The following PDZD2 variants were observed in gnomAD, a reference collection of about 807,000 sequenced individuals.
PDZD2 encodes the protein PDZ domain containing 2, also known as PDZ domain-containing protein 2.
In PDZD2, 90 loss-of-function variants were observed where a neutral mutation model predicts 220.7. That is an observed-to-expected ratio of 0.41 (90% CI 0.34 to 0.49). The LOEUF is 0.49. PDZD2 is among the 20% of genes least tolerant of loss of function. PDZD2 has a pLI of 0.28. For synonymous variants in PDZD2, 1,375 were observed against 1,450.5 expected, an observed-to-expected ratio of 0.95 and a Z score of 1.18; for missense variants, 3,174 against 3,608.5, an observed-to-expected ratio of 0.88 and a Z score of 3.08.
chr5:32,101,775 G>A (rs1035581471), intron 24 of PDZD2, among the ~76,000 whole-genome samples: 2 of 152,128 alleles, frequency 1.3e-5, no homozygotes, highest in African/African-American at 4.8e-5. Flanking sequence ...TGAAATGCTT[G>A]GTAAATATCC....
intron 2 of PDZD2, among the ~76,000 whole-genome samples, chr5:31,862,101 G>GTTGTTTT (rs768772887): frequency 3.3e-4 from 26 of 78,494 alleles, no homozygotes; most frequent in African/African-American, 4.3e-4. Context: ...TTTTTTTTGG[G>GTTGTTTT]TTTTTTTTTT....
intron 4 of PDZD2, among the ~76,000 whole-genome samples, chr5:31,996,530 A>T (rs1751652346): frequency 6.6e-6 from 1 of 152,120 alleles, no homozygotes; most frequent in African/African-American, 2.4e-5. Context: ...AACAGGTGAA[A>T]CCCCATCTCC....
chr5:31,802,918 T>TG (rs1195545725), intron 2 of PDZD2, among the ~76,000 whole-genome samples: 1 of 41,374 alleles, frequency 2.4e-5, no homozygotes, highest in Admixed American at 3.2e-4. Context: ...AGACTCTGTC[T>TG]CAAAAAAAAA....
At chr5:32,067,853 C>T (rs1740351606) in intron 14 of PDZD2, among the ~76,000 whole-genome samples, 1 of 152,022 alleles carries the variant, frequency 6.6e-6, no homozygotes, top group South Asian at 2.1e-4. Flanking sequence ...GAATAGAAAA[C>T]TTATAGAAGC....
chr5:32,051,882 GTGAGT>G (rs1297141130), intron 8 of PDZD2, among the ~76,000 whole-genome samples: 1 of 152,220 alleles, frequency 6.6e-6, no homozygotes, highest in Non-Finnish European at 1.5e-5. Context: ...TTTTGATCGA[GTGAGT>G]TAGGCTTAAA....
intron 2 of PDZD2, among the ~76,000 whole-genome samples, chr5:31,976,714 C>CTTTTTTT (rs869280921): frequency 3.9e-4 from 39 of 99,718 alleles, no homozygotes; most frequent in South Asian, 6.8e-4. Flanking sequence ...TTTCTTCTTT[C>CTTTTTTT]TTTTTTTTTT....
At chr5:31,887,789 C>A (rs142600678) in intron 2 of PDZD2, among the ~76,000 whole-genome samples, 117 of 150,738 alleles carry the variant, frequency 7.8e-4, no homozygotes, top group African/African-American at 2.7e-3. Context: ...AACTGTCCTA[C>A]GCTTTGCTTT....
intron 2 of PDZD2, among the ~76,000 whole-genome samples, chr5:31,899,481 T>C (rs1192849425): frequency 2.0e-5 from 3 of 152,188 alleles, no homozygotes; most frequent in Non-Finnish European, 2.9e-5. Flanking sequence ...AGCATTGTCC[T>C]GGAAGGTGAG....
intron 2 of PDZD2, among the ~76,000 whole-genome samples, chr5:31,808,546 T>G (rs74720151): frequency 0.08 from 12,218 of 152,254 alleles, 657 homozygotes; most frequent in Middle Eastern, 0.13. Flanking sequence ...AAGTCCTGTT[T>G]TCTCACTCTA....
intron 2 of PDZD2, among the ~76,000 whole-genome samples, chr5:31,857,131 G>C (rs140856607): frequency 6.6e-6 from 1 of 151,946 alleles, no homozygotes; most frequent in East Asian, 1.9e-4. Context: ...GATCATAGGC[G>C]TGAGTCACCA....
At chr5:31,752,073 G>GTTTTTTTTTTTTTTTTT (rs3032803) in intron 1 of PDZD2, among the ~76,000 whole-genome samples, 2 of 95,062 alleles carry the variant, frequency 2.1e-5, no homozygotes, top group African/African-American at 4.2e-5. Flanking sequence ...TTTTGGGTTT[G>GTTTTTTTTTTTTTTTTT]TTTTTTTTTT....
intron 2 of PDZD2, among the ~76,000 whole-genome samples, chr5:31,878,555 C>CTTTTGTTTTTTTTTTTT (rs1739532376): frequency 4.1e-5 from 2 of 48,198 alleles, no homozygotes; most frequent in Non-Finnish European, 7.4e-5. Context: ...ATGACCTCGG[C>CTTTTGTTTTTTTTTTTT]TTTTTTTTTT....
rs397884700 is a variant in PDZD2 at position 31,881,374 on chromosome 5, ATTT to A, written c.476+81662_476+81664del. 7.9e-3 allele frequency among the ~76,000 whole-genome samples: 791 copies of A among 100,208 alleles called. 2 individuals carry two copies. Among genetic ancestry groups the A allele is most frequent in the African/African-American group, 0.031 (742 of 23,880 alleles). 65.7% of individuals were successfully genotyped at this position (100,208 alleles called of 152,430 possible). On this transcript the variant is annotated intron_variant, in intron 2 of 24. Coordinates refer to ENST00000438447, the MANE Select transcript of PDZD2 (RefSeq NM_178140.4). ...TGTGTGTGTGTGTGTGTGTGTATAT[ATTT>A]TTTTTTTTTTTGAGATGGAGTTTTG...
At chr5:32,055,620 G>A (rs1278093399) in intron 10 of PDZD2, among the ~76,000 whole-genome samples, 1 of 152,090 alleles carries the variant, frequency 6.6e-6, no homozygotes, top group Non-Finnish European at 1.5e-5. Context: ...AAAATGCTGT[G>A]ACTGTTCAGT....
chr5:31,677,228 C>A (rs1032484758), intron 1 of PDZD2, among the ~76,000 whole-genome samples: 1 of 152,198 alleles, frequency 6.6e-6, no homozygotes, highest in South Asian at 2.1e-4. Context: ...GTCCTGCCCT[C>A]CCTAGCCTTG....
chr5:31,878,579 T>TTTTTTTTTTTTTC (rs1283121637), intron 2 of PDZD2, among the ~76,000 whole-genome samples: 1 of 132,812 alleles, frequency 7.5e-6, no homozygotes, highest in Non-Finnish European at 1.6e-5. Context: ...TTTTTTTTTT[T>TTTTTTTTTTTTTC]GAGACGGAGT....
At position 32,083,463 on chromosome 5, in the gene PDZD2, C is replaced by T. The variant is rs541359909; in HGVS notation, c.3683-3668C>T. 6.6e-6 allele frequency: 1 copy of T among 152,282 alleles called. No homozygotes were observed. The highest frequency in any genetic ancestry group is 6.5e-5 in the Admixed American group (1 of 15,302). The allele number at this position is 152,282 out of a possible 1,614,324, so 9.4% of individuals were successfully genotyped here. A position where few individuals can be genotyped will look rare whatever the true frequency, so the allele number is the denominator to read the frequency against. The stretch of plus-strand genomic sequence containing the variant: ...GGAGAGGCTGCTGGGCCTTCCACCC[C>T]ACGGATGTGCTGTAACGAGTCAACC... On this transcript the variant is annotated intron_variant, in intron 19 of 24. Coordinates refer to ENST00000438447, the MANE Select transcript of PDZD2 (RefSeq NM_178140.4). The surrounding 1 kb of genome is among the most constrained non-coding windows in gnomAD (Gnocchi z 4.1).
chr5:31,725,582 T>G, intron 1 of PDZD2: 10 of 1,493,622 alleles, frequency 6.7e-6, no homozygotes, highest in Non-Finnish European at 9.2e-6. Context: ...GATTTTGACC[T>G]AGACCTAGAC....
intron 12 of PDZD2, among the ~76,000 whole-genome samples, chr5:32,058,543 A>G (rs987136313): frequency 4.6e-5 from 7 of 151,740 alleles, no homozygotes; most frequent in Admixed American, 3.9e-4. Context: ...GCGTGGTGGC[A>G]AGCGCCTGTA....
Sources: gnomAD v4.1 joint callset for allele counts (sites outside exome capture counted in the v4.1 genomes callset) on GRCh38, gnomAD v4.1.1 for gene constraint, Gnocchi (gnomAD v3.1) non-coding constraint, MANE v1.5 for transcripts, NCBI Gene and HGNC (gene_info 2026-07-23, HGNC 2026-07-21) for gene names.